The following CKAP5 variants were observed in gnomAD, a reference collection of about 807,000 sequenced individuals.
CKAP5 encodes cytoskeleton-associated protein 5.
Under a neutral mutation model 232.8 loss-of-function variants are expected in CKAP5, and 27 were observed. The ratio of observed to expected loss-of-function variants is 0.12; its 90% CI spans 0.09 to 0.16. The LOEUF is 0.16. Among genes scored for constraint, CKAP5 ranks in the 10% least tolerant of loss-of-function variants. The pLI is 1.00. For missense variants in CKAP5, 1,838 were observed against 2,424.7 expected (o/e 0.76, Z 5.08); for synonymous variants, 785 against 841.1 (o/e 0.93, Z 1.16).
intron 15 of CKAP5, among the ~76,000 whole-genome samples, chr11:46,789,687 T>C (rs905478259): frequency 6.6e-6 from 1 of 151,918 alleles, no homozygotes; most frequent in African/African-American, 2.4e-5. Flanking sequence ...TCCCAGCTAC[T>C]TAGGAGGCTG....
Position 46,759,213 on chromosome 11 carries a change from G to A in CKAP5, c.4568+56C>T, listed in dbSNP as rs762023161. Reference sequence around the variant, plus strand: ...GCACATTACAAAGGGCACATTTCACGTAGGCCGTCTGATCATCATGAACTG... The same window carrying A: ...GCACATTACAAAGGGCACATTTCACATAGGCCGTCTGATCATCATGAACTG... On this transcript the variant is annotated intron_variant, in intron 34 of 43. Transcript: ENST00000529230. The A allele has an allele frequency of 3.1e-4, 484 of 1,552,204 alleles. 3 individuals are homozygous for A. Among genetic ancestry groups the A allele is most frequent in the Middle Eastern group, 1.2e-3 (7 of 5,796 alleles).
chr11:46,818,202 T>G, intron 3 of CKAP5, 108 bp downstream of exon 3: 1 of 773,930 alleles, frequency 1.3e-6, no homozygotes, highest in Non-Finnish European at 1.9e-6. Flanking sequence ...AGTAAGAAAA[T>G]TCATCTATTC....
intron 3 of CKAP5, among the ~76,000 whole-genome samples, chr11:46,817,913 A>G (rs1939441309): frequency 6.6e-6 from 1 of 152,190 alleles, no homozygotes; most frequent in African/African-American, 2.4e-5. Flanking sequence ...ACCCTTGTAA[A>G]AAATTTAGTT....
chr11:46,778,813 A>G (rs2065313801), intron 20 of CKAP5, among the ~76,000 whole-genome samples: 1 of 152,164 alleles, frequency 6.6e-6, no homozygotes, highest in Non-Finnish European at 1.5e-5. Flanking sequence ...GGTGGCTCAC[A>G]CTTATAATCC....
intron 42 of CKAP5, among the ~76,000 whole-genome samples, chr11:46,749,426 G>A (rs765304879): frequency 1.5e-5 from 2 of 136,320 alleles, no homozygotes; most frequent in Non-Finnish European, 3.0e-5. Flanking sequence ...CTGCACCCCA[G>A]CCTGGGTGAC....
intron 18 of CKAP5, among the ~76,000 whole-genome samples, chr11:46,780,959 T>C (rs924205127): frequency 1.3e-5 from 2 of 152,216 alleles, no homozygotes; most frequent in Non-Finnish European, 2.9e-5. Context: ...TTAAATACTA[T>C]CTATAGGCTG....
chr11:46,845,787 A>G (rs1940174500), intron 1 of CKAP5, among the ~76,000 whole-genome samples: 1 of 152,214 alleles, frequency 6.6e-6, no homozygotes, highest in African/African-American at 2.4e-5. Flanking sequence ...CAGGGCGACA[A>G]GGCCCTTCGC....
At chr11:46,747,648 A>C (rs1406923121) in intron 42 of CKAP5, among the ~76,000 whole-genome samples, 2 of 151,964 alleles carry the variant, frequency 1.3e-5, no homozygotes, top group African/African-American at 4.8e-5. Context: ...TATTTGAACA[A>C]AGATGTGAAA....
intron 1 of CKAP5, among the ~76,000 whole-genome samples, chr11:46,827,261 A>C (rs1347984463): frequency 6.6e-6 from 1 of 152,154 alleles, no homozygotes; most frequent in African/African-American, 2.4e-5. Context: ...TTACTTCATT[A>C]ACCTCCTTTG....
chr11:46,760,560 A>T, intron 33 of CKAP5, 52 bp downstream of exon 33: 1 of 1,574,530 alleles, frequency 6.4e-7, no homozygotes, highest in Non-Finnish European at 8.7e-7. Context: ...CTGTGAGCAC[A>T]CAAGGCAAAG....
chr11:46,779,321 T>C (rs1039030006), intron 20 of CKAP5, among the ~76,000 whole-genome samples: 12 of 152,104 alleles, frequency 7.9e-5, no homozygotes, highest in Admixed American at 7.9e-4. Flanking sequence ...TTAGTAGAGA[T>C]GGAGTTTTGC....
chr11:46,811,042 G>C lies in CKAP5; in HGVS notation c.595C>G (p.Leu199Val), dbSNP rs1218031589. ...TTTATATTTTGTAATGGGGGTCTCAGAGCATCCCGAATCCATCTGTAAATC... is the reference window on the plus strand; with the variant it reads ...TTTATATTTTGTAATGGGGGTCTCACAGCATCCCGAATCCATCTGTAAATC... The part of the protein sequence containing the change: ...VEIYRWIRDA[L>V]RPPLQNINSV... Residue 199 changes from leucine to valine, a missense_variant, in exon 5 of 44, where the codon CTG becomes GTG. Transcript: ENST00000529230. 6.2e-7 allele frequency: 1 copy of C among 1,613,952 alleles called. No homozygotes were observed. The highest frequency in any genetic ancestry group is 2.2e-5 in the East Asian group (1 of 44,856).
intron 37 of CKAP5, 136 bp downstream of exon 37, chr11:46,753,174 A>AT: frequency 1.6e-6 from 1 of 639,852 alleles, no homozygotes; most frequent in Non-Finnish European, 2.7e-6. Flanking sequence ...TGATGTAGCT[A>AT]TAACTTTAAG....
At chr11:46,793,343 C>T (rs1014413021) in intron 13 of CKAP5, among the ~76,000 whole-genome samples, 23 of 152,186 alleles carry the variant, frequency 1.5e-4, no homozygotes, top group African/African-American at 5.1e-4. Flanking sequence ...ATGGGGCTGG[C>T]GTGGGGAAGG....
At chr11:46,752,193 T>TATATATATACACATAC (rs1408030107) in intron 38 of CKAP5, among the ~76,000 whole-genome samples, 1 of 66,574 alleles carries the variant, frequency 1.5e-5, no homozygotes, top group African/African-American at 5.1e-5. Context: ...TATATATATA[T>TATATATATACACATAC]ACACACACAC....
At position 46,744,082 on chromosome 11, in the gene CKAP5, TGGA is replaced by T. The variant is rs765113582; in HGVS notation, c.6037_6039del (p.Ser2013del). The T allele has an allele frequency of 7.4e-6, 12 of 1,613,700 alleles. No individual in the cohort carries two copies. Among genetic ancestry groups the T allele is most frequent in the African/African-American group, 1.3e-5 (1 of 74,836 alleles). ...TTTTTCAAGTCGTCTATGTTAGCTG[TGGA>T]GGAGGAGGAGGTCACAGTTCCTGAA... is the stretch of plus-strand genomic sequence containing the variant. On this transcript the variant is annotated inframe_deletion, in exon 44 of 44. Transcript: ENST00000529230.
rs541763400 is a variant in CKAP5, at chr11:46,748,443, C to T, written c.5704+1831G>A. On this transcript the variant is annotated intron_variant, in intron 42 of 43. Coordinates refer to ENST00000529230, the MANE Select transcript of CKAP5 (RefSeq NM_001008938.4). Reference sequence around the variant, plus strand: ...CAAAAGCTTTGGATCTGAACAAACTCGAAGGATAAAGTTGCCATCAACCAA... The same window carrying T: ...CAAAAGCTTTGGATCTGAACAAACTTGAAGGATAAAGTTGCCATCAACCAA... Among the ~76,000 whole-genome samples, 11 of 152,164 alleles carry T rather than the reference C, an allele frequency of 7.2e-5. No homozygotes were observed. In the South Asian group the frequency reaches 1.2e-3, roughly 17 times the overall value.
At chr11:46,840,829 G>A (rs1028925422) in intron 1 of CKAP5, among the ~76,000 whole-genome samples, 59 of 152,228 alleles carry the variant, frequency 3.9e-4, no homozygotes, top group African/African-American at 1.0e-3. Flanking sequence ...AATGGGGGGC[G>A]GTATTAGGAA....
intron 18 of CKAP5, among the ~76,000 whole-genome samples, chr11:46,782,162 A>G (rs1052929834): frequency 1.3e-5 from 2 of 151,954 alleles, no homozygotes; most frequent in Non-Finnish European, 2.9e-5. Flanking sequence ...CTCTCTATAT[A>G]TATATTTTTA....
Sources: allele counts gnomAD v4.1 joint callset (sites outside exome capture counted in the v4.1 genomes callset), GRCh38; gene constraint gnomAD v4.1.1; transcripts MANE v1.5; gene names NCBI Gene and HGNC (gene_info 2026-07-23, HGNC 2026-07-21).